Variants in HARS2 observed in about 807,000 individuals in gnomAD.
HARS2 encodes histidyl-tRNA synthetase 2, mitochondrial, also known as histidine--tRNA ligase, mitochondrial.
A neutral mutation model predicts 62.4 loss-of-function variants in HARS2; 40 were observed. The ratio of observed to expected loss-of-function variants is 0.64; its 90% CI spans 0.50 to 0.83. The LOEUF (loss-of-function observed/expected upper bound fraction) is 0.83, where lower values mean the gene tolerates loss of function less well. Ranked by LOEUF, HARS2 falls within the 40% of genes least tolerant of loss-of-function variation. The pLI, the probability that HARS2 is intolerant of heterozygous loss-of-function variation, is 0.00. For missense variants in HARS2, 569 were observed against 626.4 expected (o/e 0.91, Z 0.98); for synonymous variants, 228 against 227.0 (o/e 1.00, Z -0.04).
intron 1 of HARS2, 84 bp downstream of exon 1, chr5:140,691,840 G>A: frequency 1.0e-6 from 1 of 967,998 alleles, no homozygotes; most frequent in South Asian, 1.4e-5. Context: ...TATTCCAGTA[G>A]TGTTACAATC....
Position 140,697,191 on chromosome 5 carries a change from G to T in HARS2, c.982G>T (p.Gly328Cys), listed in dbSNP as rs201992704. 9.9e-6 allele frequency: 16 copies of T among 1,614,190 alleles called. No homozygotes were observed. The highest frequency in any genetic ancestry group is 1.3e-5 in the Non-Finnish European group (15 of 1,180,044). ...KISFDLSLARGLDYYTGVIYE... is the reference protein window; with the variant it reads ...KISFDLSLARCLDYYTGVIYE... Reference sequence around the variant, plus strand: ...CTCCTTTGACCTCAGCCTGGCTCGGGGCCTAGACTACTATACAGGAGTGAT... The same window carrying T: ...CTCCTTTGACCTCAGCCTGGCTCGGTGCCTAGACTACTATACAGGAGTGAT... The change falls in exon 10 of 13, where the codon GGC (glycine) becomes TGC (cysteine). Residue 328 changes from glycine (G) to cysteine (C), a missense_variant. By Grantham distance (159) the Gly-to-Cys change is radical. Coordinates refer to ENST00000230771, the MANE Select transcript of HARS2 (RefSeq NM_012208.4).
In HARS2 at chr5:140,697,232, G is replaced by C; in HGVS notation, c.1023G>C (p.Leu341=). The change falls in exon 10 of 13, where the codon CTG becomes CTC. Residue 341 remains leucine, a synonymous_variant. Coordinates refer to ENST00000230771, the MANE Select transcript of HARS2 (RefSeq NM_012208.4). The stretch of plus-strand genomic sequence containing the variant: ...CAGGAGTGATCTATGAAGCAGTGCT[G>C]CTGCAGACCCCAACTCAGGCTGGGG... ...YYTGVIYEAV[L]LQTPTQAGEE... The C allele has an allele frequency of 6.2e-7, 1 of 1,614,200 alleles. No homozygotes were observed. The highest frequency in any genetic ancestry group is 8.5e-7 in the Non-Finnish European group (1 of 1,180,048).
In HARS2 at chr5:140,696,937, C is replaced by G. The variant is rs1156396342; in HGVS notation, c.827-6C>G. On this transcript the variant is annotated splice_region_variant and splice_polypyrimidine_tract_variant and intron_variant, in intron 8 of 12. Transcript: ENST00000230771. ...AGTGAACAGCAGAGACTTTATTTCT[C>G]TCCAGGTGGGGTATCCCTAGTAGAG... 1 of 1,609,720 alleles carries G rather than the reference C, an allele frequency of 6.2e-7. No homozygotes were observed. Among genetic ancestry groups the G allele is most frequent in the African/African-American group, 1.3e-5 (1 of 74,308 alleles).
At chr5:140,693,192 C>A (rs952749484) in intron 1 of HARS2, among the ~76,000 whole-genome samples, 1 of 151,118 alleles carries the variant, frequency 6.6e-6, no homozygotes, top group Non-Finnish European at 1.5e-5. Flanking sequence ...ATTAGCTGGG[C>A]GTGGTGGTGG....
At position 140,691,743 on chromosome 5, in the gene HARS2, G is replaced by C; in HGVS notation, c.95G>C (p.Arg32Pro). ...TGCGCTTCGTGCACCGGGGCGGTCCGTTGCCAAAGCCAGGTGAGCGAGACA... is the reference window on the plus strand; with the variant it reads ...TGCGCTTCGTGCACCGGGGCGGTCCCTTGCCAAAGCCAGGTGAGCGAGACA... ...PPCASCTGAV[R>P]CQSQVAEAVL... is the part of the protein sequence containing the mutation. Residue 32 changes from arginine (R) to proline (P), a missense_variant, in exon 1 of 13, where the codon CGT becomes CCT. Arg to Pro is a moderately radical substitution (Grantham distance 103). Coordinates refer to ENST00000230771, the MANE Select transcript of HARS2 (RefSeq NM_012208.4). The C allele has an allele frequency of 1.3e-6, 2 of 1,550,738 alleles. No individual in the cohort carries two copies. Among genetic ancestry groups the C allele is most frequent in the African/African-American group, 2.7e-5 (2 of 73,252 alleles).
chr5:140,693,807 A>G, intron 2 of HARS2, 128 bp from the exon 3 acceptor site: 41 of 1,252,562 alleles, frequency 3.3e-5, no homozygotes, highest in Non-Finnish European at 4.8e-5. Flanking sequence ...GGTGCGGCTC[A>G]GAGTCATTTG....
chr5:140,693,349 T>A, intron 1 of HARS2: 15 of 647,346 alleles, frequency 2.3e-5, no homozygotes, highest in South Asian at 4.1e-5. Context: ...AAAAAAAAAA[T>A]CCATATACAG....
chr5:140,698,175 T>C (rs1759834108), intron 12 of HARS2, 97 bp downstream of exon 12: 4 of 1,154,322 alleles, frequency 3.5e-6, no homozygotes, highest in Non-Finnish European at 5.1e-6. Flanking sequence ...ATTATCTTCA[T>C]GGTTAATAGT....
At chr5:140,696,870 A>T in intron 8 of HARS2, 73 bp from the exon 9 acceptor site, 1 of 1,259,046 alleles carries the variant, frequency 7.9e-7, no homozygotes, top group Non-Finnish European at 1.1e-6. Flanking sequence ...GAGGAAGACT[A>T]GCTAGAGCAC....
At chr5:140,695,689 A>C (rs778724630) in intron 5 of HARS2, 49 bp from the exon 6 acceptor site, 2 of 1,613,998 alleles carry the variant, frequency 1.2e-6, no homozygotes, top group Admixed American at 3.3e-5. Flanking sequence ...CACAACCTTG[A>C]AACTGGCTGG....
rs938905809 is a variant in HARS2 at position 140,696,139 on chromosome 5, G to C, written c.670G>C (p.Val224Leu). ...DRRIVDGMFA[V>L]CGVPESKFRA... ...GCGGATTGTGGATGGGATGTTTGCT[G>C]TCTGTGGTGTTCCTGAAAGCAAGTT... Residue 224 changes from valine (V) to leucine (L), a missense_variant, in exon 7 of 13, where the codon GTC becomes CTC. Val to Leu is a conservative substitution (Grantham distance 32, BLOSUM62 1). Transcript: ENST00000230771. The C allele has an allele frequency of 6.2e-7, 1 of 1,613,998 alleles. No homozygotes were observed. The highest frequency in any genetic ancestry group is 8.5e-7 in the Non-Finnish European group (1 of 1,179,960).
intron 1 of HARS2, chr5:140,692,253 A>G (rs1759527432): frequency 5.6e-6 from 1 of 177,160 alleles, no homozygotes; most frequent in Non-Finnish European, 1.2e-5. Flanking sequence ...TTGAACTTGG[A>G]CTTCTCTTAG....
chr5:140,692,070 C>T, intron 1 of HARS2: 1 of 371,080 alleles, frequency 2.7e-6, no homozygotes, highest in South Asian at 3.6e-5. Context: ...CTCTTGGACT[C>T]AAACAGTAAC....
chr5:140,696,750 C>CA, intron 8 of HARS2, 136 bp downstream of exon 8: 1 of 920,908 alleles, frequency 1.1e-6, no homozygotes, highest in South Asian at 1.3e-5. Flanking sequence ...TTCTCTTTTA[C>CA]TTATTGTAAC....
At chr5:140,692,557 CCT>C (rs1348758662) in intron 1 of HARS2, among the ~76,000 whole-genome samples, 2 of 152,112 alleles carry the variant, frequency 1.3e-5, no homozygotes, top group Admixed American at 1.3e-4. Flanking sequence ...TTACAGTTTT[CCT>C]CTCTCTAAAC....
intron 4 of HARS2, among the ~76,000 whole-genome samples, chr5:140,694,903 G>A (rs545208971): frequency 3.0e-4 from 45 of 152,254 alleles, no homozygotes; most frequent in Non-Finnish European, 5.4e-4. Context: ...CCGAGATTGC[G>A]CCATTGCACT....
chr5:140,695,130 T>C (rs924697535), intron 4 of HARS2, among the ~76,000 whole-genome samples: 10 of 152,174 alleles, frequency 6.6e-5, no homozygotes, highest in African/African-American at 2.2e-4. Context: ...ATGCATGTAG[T>C]CCTTTCCCTG....
chr5:140,692,891 GAA>G (rs747298206), intron 1 of HARS2, among the ~76,000 whole-genome samples: 1 of 136,280 alleles, frequency 7.3e-6, no homozygotes. Flanking sequence ...GACTCTATCT[GAA>G]AAAAAAAAAA....
At chr5:140,693,541 G>T in intron 1 of HARS2, 50 bp from the exon 2 acceptor site, 1 of 1,613,782 alleles carries the variant, frequency 6.2e-7, no homozygotes, top group East Asian at 2.2e-5. Context: ...GATGCCACAG[G>T]TCTGGCCAGT....
Sources: gnomAD v4.1 joint callset for allele counts (sites outside exome capture counted in the v4.1 genomes callset) on GRCh38, gnomAD v4.1.1 for gene constraint, MANE v1.5 for transcripts, NCBI Gene and HGNC (gene_info 2026-07-23, HGNC 2026-07-21) for gene names.